Variants in STAP1 observed in about 807,000 individuals in gnomAD.
The protein encoded by STAP1 is signal-transducing adaptor protein 1.
STAP1 carries 30 observed loss-of-function variants against 37.8 expected under a neutral mutation model. The observed-to-expected ratio is 0.79, with a 90% confidence interval of 0.59 to 1.08. The LOEUF is 1.08. Ranked by LOEUF, STAP1 falls within the 50% of genes least tolerant of loss-of-function variation. The pLI is 0.00. For synonymous variants in STAP1, 130 were observed against 116.0 expected (o/e 1.12, Z -0.78); for missense variants, 357 against 349.4 (o/e 1.02, Z -0.17).
chr4:67,573,180 T>C (rs1474471533), intron 2 of STAP1, among the ~76,000 whole-genome samples: 1 of 152,214 alleles, frequency 6.6e-6, no homozygotes, highest in Non-Finnish European at 1.5e-5. Flanking sequence ...TTTCATGTTA[T>C]TCCAGAAAGA....
At chr4:67,566,689 G>A (rs1235638568) in intron 1 of STAP1, among the ~76,000 whole-genome samples, 7 of 152,186 alleles carry the variant, frequency 4.6e-5, no homozygotes, top group African/African-American at 1.7e-4. Flanking sequence ...TCGAAAGTAG[G>A]TTGGACACGG....
intron 1 of STAP1, among the ~76,000 whole-genome samples, chr4:67,569,732 T>TTG (rs57524051): frequency 0.087 from 13,133 of 151,580 alleles, 764 homozygotes; most frequent in African/African-American, 0.16. Context: ...TTATTCCATT[T>TTG]TGTGTGTGTG....
chr4:67,595,676 C>T (rs1366703377), intron 8 of STAP1, among the ~76,000 whole-genome samples: 2 of 152,158 alleles, frequency 1.3e-5, no homozygotes, highest in African/African-American at 2.4e-5. Flanking sequence ...ACTATAACTT[C>T]GTAGTAATTC....
At chr4:67,580,390 T>G (rs547114509) in intron 4 of STAP1, among the ~76,000 whole-genome samples, 9 of 152,356 alleles carry the variant, frequency 5.9e-5, no homozygotes, top group African/African-American at 2.2e-4. Flanking sequence ...TGTGTAAATT[T>G]TATATGTACT....
At chr4:67,562,268 G>A (rs1477475286) in intron 1 of STAP1, among the ~76,000 whole-genome samples, 1 of 151,676 alleles carries the variant, frequency 6.6e-6, no homozygotes, top group Non-Finnish European at 1.5e-5. Flanking sequence ...CTTGAATCTG[G>A]GAGGCGGAGG....
intron 1 of STAP1, among the ~76,000 whole-genome samples, chr4:67,567,633 C>T (rs1443704000): frequency 6.6e-6 from 1 of 152,194 alleles, no homozygotes; most frequent in Non-Finnish European, 1.5e-5. Context: ...GGTTATGTGA[C>T]ATGTGTTGGT....
Position 67,581,239 on chromosome 4 carries a change from G to A in STAP1, c.364-66G>A, listed in dbSNP as rs545638790. 4.7e-5 allele frequency: 71 copies of A among 1,505,948 alleles called. No homozygotes were observed. The African/African-American group carries it at 8.0e-4, about 17-fold the overall frequency. The allele number at this position is 1,505,948 out of a possible 1,614,324, so 93.3% of individuals were successfully genotyped here. A position where few individuals can be genotyped will look rare whatever the true frequency, so the allele number is the denominator to read the frequency against. On this transcript the variant is annotated intron_variant, in intron 4 of 8. Transcript: ENST00000265404. ...AGCCCTATAGGACCAGAACAGGGTC[G>A]TCTTTACTAAAGTTATAAGTTATTA...
intron 2 of STAP1, 64 bp downstream of exon 2, chr4:67,571,219 T>G: frequency 8.7e-7 from 1 of 1,154,862 alleles, no homozygotes; most frequent in South Asian, 1.4e-5. Context: ...TAGCATATTA[T>G]TCATTTTGGA....
At chr4:67,584,483 A>C (rs1251077821) in intron 6 of STAP1, among the ~76,000 whole-genome samples, 1 of 152,192 alleles carries the variant, frequency 6.6e-6, no homozygotes, top group Non-Finnish European at 1.5e-5. Context: ...TATAGAGTAA[A>C]ATAAAGCAGG....
intron 1 of STAP1, among the ~76,000 whole-genome samples, chr4:67,565,107 G>T (rs1221243588): frequency 6.6e-6 from 1 of 152,046 alleles, no homozygotes; most frequent in African/African-American, 2.4e-5. Context: ...AAAAAGAGTT[G>T]GTCGGATAAG....
intron 8 of STAP1, among the ~76,000 whole-genome samples, chr4:67,599,210 A>G (rs913427008): frequency 4.6e-5 from 7 of 152,218 alleles, no homozygotes; most frequent in African/African-American, 1.7e-4. Context: ...TTATCAAGGT[A>G]ATACTAGCAC....
chr4:67,585,455 G>C (rs567560103), intron 6 of STAP1, among the ~76,000 whole-genome samples: 2 of 152,166 alleles, frequency 1.3e-5, no homozygotes, highest in Non-Finnish European at 2.9e-5. Flanking sequence ...ACAGATCCTT[G>C]TCTTATACAC....
In STAP1 at chr4:67,607,114, T is replaced by C. The variant is rs1441091962; in HGVS notation, c.*757T>C. Reference sequence around the variant, plus strand: ...TAATTTTTTTCTTCAAAAGCAAACTTCTAAATTGATTTTGATGGTTATCAA... The same window carrying C: ...TAATTTTTTTCTTCAAAAGCAAACTCCTAAATTGATTTTGATGGTTATCAA... On this transcript the variant is annotated 3_prime_UTR_variant, in exon 9 of 9. Coordinates refer to ENST00000265404, the MANE Select transcript of STAP1 (RefSeq NM_012108.4). 2 of 152,194 alleles carry C rather than the reference T, an allele frequency of 1.3e-5. No homozygotes were observed. The highest frequency in any genetic ancestry group is 6.5e-5 in the Admixed American group (1 of 15,276). 9.4% of individuals were successfully genotyped at this position (152,194 alleles called of 1,614,324 possible).
chr4:67,602,474 C>T (rs1424833262), intron 8 of STAP1, among the ~76,000 whole-genome samples: 1 of 152,088 alleles, frequency 6.6e-6, no homozygotes, highest in Non-Finnish European at 1.5e-5. Flanking sequence ...TGTTTGTACC[C>T]ATCCTTCTTG....
intron 1 of STAP1, among the ~76,000 whole-genome samples, chr4:67,568,178 C>T (rs901700127): frequency 2.0e-5 from 3 of 151,924 alleles, no homozygotes; most frequent in Admixed American, 6.6e-5. Flanking sequence ...TCTGAAGAGT[C>T]GACAAACATT....
intron 5 of STAP1, among the ~76,000 whole-genome samples, chr4:67,582,234 A>G (rs1467143208): frequency 6.6e-6 from 1 of 152,116 alleles, no homozygotes; most frequent in African/African-American, 2.4e-5. Context: ...ATATATGTTT[A>G]TTATATATAA....
At chr4:67,601,570 T>C (rs1728342091) in intron 8 of STAP1, among the ~76,000 whole-genome samples, 1 of 152,200 alleles carries the variant, frequency 6.6e-6, no homozygotes, top group Non-Finnish European at 1.5e-5. Flanking sequence ...CAGCTTTTGT[T>C]TGTTTAGGAA....
chr4:67,604,173 CCA>C (rs1275573597), intron 8 of STAP1, among the ~76,000 whole-genome samples: 1 of 152,204 alleles, frequency 6.6e-6, no homozygotes, highest in East Asian at 1.9e-4. Context: ...ATGCAAAGTG[CCA>C]CAGTCACTGT....
intron 1 of STAP1, among the ~76,000 whole-genome samples, chr4:67,560,230 TC>T (rs35992269): frequency 0.69 from 104,995 of 151,964 alleles, 37,509 homozygotes; most frequent in Non-Finnish European, 0.79. Flanking sequence ...TTTTAGAGTG[TC>T]CTTTATCTGA....
Sources: gnomAD v4.1 joint callset for allele counts (sites outside exome capture counted in the v4.1 genomes callset) on GRCh38, gnomAD v4.1.1 for gene constraint, MANE v1.5 for transcripts, NCBI Gene and HGNC (gene_info 2026-07-23, HGNC 2026-07-21) for gene names.